SHISAL2B: variants seen among roughly 807,000 people sequenced by gnomAD.
The protein encoded by SHISAL2B is protein shisa-like-2B.
In SHISAL2B, 12 loss-of-function variants were observed where a neutral mutation model predicts 16.5. The observed-to-expected ratio is 0.73, with a 90% CI of 0.47 to 1.18. The LOEUF is 1.18. SHISAL2B is among the 50% of genes most tolerant of loss of function. The probability of loss-of-function intolerance (pLI) is 0.00; values close to 1 mark genes in which losing one functional copy is unlikely to be tolerated. For synonymous variants in SHISAL2B, 72 were observed against 75.0 expected, an observed-to-expected ratio of 0.96 and a Z score of 0.21; for missense variants, 183 against 193.6, an observed-to-expected ratio of 0.95 and a Z score of 0.33.
intron 2 of SHISAL2B, among the ~76,000 whole-genome samples, chr5:64,711,550 CA>C (rs1308204095): frequency 1.1e-4 from 8 of 71,630 alleles, no homozygotes; most frequent in Non-Finnish European, 1.8e-4. Flanking sequence ...ATGCTGGCCT[CA>C]TAAAATGAGT....
At chr5:64,701,688 T>C (rs180979716) in intron 2 of SHISAL2B, among the ~76,000 whole-genome samples, 21 of 152,342 alleles carry the variant, frequency 1.4e-4, no homozygotes, top group African/African-American at 4.3e-4. Flanking sequence ...GATGTTCTCT[T>C]TTGTAAAGGC....
At chr5:64,708,169 A>G (rs1033701628) in intron 2 of SHISAL2B, among the ~76,000 whole-genome samples, 3 of 152,166 alleles carry the variant, frequency 2.0e-5, no homozygotes, top group African/African-American at 7.2e-5. Context: ...ACACATACCA[A>G]TAACCTTTAT....
At position 64,690,712 on chromosome 5, in the gene SHISAL2B, G is replaced by A; in HGVS notation, c.89G>A (p.Gly30Glu). 4 of 1,535,826 alleles carry A rather than the reference G, an allele frequency of 2.6e-6. No homozygotes were observed. The highest frequency in any genetic ancestry group is 1.4e-5 in the African/African-American group (1 of 73,084). Reference protein sequence around the residue: ...EPFQCPRRGEGAALQYCCGFA... With the variant: ...EPFQCPRRGEEAALQYCCGFA... ...TTCCAGTGCCCCCGGCGCGGCGAGG[G>A]GGCAGCGCTCCAGTATTGCTGCGGC... Residue 30 changes from glycine to glutamate, a missense_variant, in exon 1 of 3, where the codon GGG becomes GAG. Physicochemically the swap from Gly to Glu is moderately conservative, Grantham distance 98 (BLOSUM62 -2). Transcript: ENST00000389074.
chr5:64,704,308 T>C (rs1272779084), intron 2 of SHISAL2B, among the ~76,000 whole-genome samples: 3 of 152,248 alleles, frequency 2.0e-5, no homozygotes, highest in Non-Finnish European at 4.4e-5. Flanking sequence ...GGAAAGGGTT[T>C]GAAAATAAAT....
chr5:64,692,318 G>C (rs548309296), intron 1 of SHISAL2B, among the ~76,000 whole-genome samples: 1 of 152,318 alleles, frequency 6.6e-6, no homozygotes, highest in Admixed American at 6.5e-5. Flanking sequence ...ACAAGCAATA[G>C]AGGACATAAA....
At chr5:64,696,974 T>G (rs1272965256) in intron 2 of SHISAL2B, among the ~76,000 whole-genome samples, 1 of 152,170 alleles carries the variant, frequency 6.6e-6, no homozygotes, top group Non-Finnish European at 1.5e-5. Flanking sequence ...CCTCCCCTTT[T>G]AAAGTCCTTA....
intron 2 of SHISAL2B, among the ~76,000 whole-genome samples, chr5:64,714,821 C>T (rs1053385132): frequency 6.6e-6 from 1 of 152,132 alleles, no homozygotes; most frequent in Admixed American, 6.5e-5. Flanking sequence ...TGTCCGTCAC[C>T]CCTTTCTTTG....
chr5:64,701,599 G>A (rs1741810569), intron 2 of SHISAL2B, among the ~76,000 whole-genome samples: 2 of 152,074 alleles, frequency 1.3e-5, no homozygotes, highest in Admixed American at 6.6e-5. Context: ...AAAATTAGAA[G>A]GGCAAATATT....
chr5:64,699,841 T>G (rs544382999), intron 2 of SHISAL2B, among the ~76,000 whole-genome samples: 35 of 152,352 alleles, frequency 2.3e-4, no homozygotes, highest in African/African-American at 7.9e-4. Flanking sequence ...ATCTTTATTC[T>G]ACTGAATTTC....
rs1374361268 is a variant in SHISAL2B at position 64,717,924 on chromosome 5, A to C, written c.385A>C (p.Asn129His). 9.9e-6 allele frequency: 15 copies of C among 1,517,774 alleles called. No individual in the cohort carries two copies. Among genetic ancestry groups the C allele is most frequent in the Non-Finnish European group, 1.3e-5 (15 of 1,142,760 alleles). 94.0% of individuals were successfully genotyped at this position (1,517,774 alleles called of 1,614,324 possible). The change falls in exon 3 of 3, where the codon AAT becomes CAT. Residue 129 changes from asparagine to histidine, a missense_variant. By Grantham distance (68) the Asn-to-His change is moderately conservative. Transcript: ENST00000389074. ...TGGAAAAACCAAAGCCCTCAATTCA[A>C]ATGCAGCATCAAATGCAACAAATGA... Reference protein sequence around the residue: ...SNGKTKALNSNAASNATNETY... With the variant: ...SNGKTKALNSHAASNATNETY...
At chr5:64,714,340 G>T (rs1057416649) in intron 2 of SHISAL2B, among the ~76,000 whole-genome samples, 4 of 142,362 alleles carry the variant, frequency 2.8e-5, no homozygotes, top group African/African-American at 1.2e-4. Context: ...GTGCCTCCCA[G>T]TTAGGTTGCT....
Position 64,690,702 on chromosome 5 carries a change from C to T in SHISAL2B, c.79C>T (p.Arg27Cys), listed in dbSNP as rs1741627011. Residue 27 changes from arginine to cysteine, a missense_variant, in exon 1 of 3, where the codon CGC becomes TGC. Arg to Cys is a radical substitution (Grantham distance 180). Coordinates refer to ENST00000389074, the MANE Select transcript of SHISAL2B (RefSeq NM_001164442.2). ...CGTGGAGCCCTTCCAGTGCCCCCGG[C>T]GCGGCGAGGGGGCAGCGCTCCAGTA... is the stretch of plus-strand genomic sequence containing the variant. ...SFVEPFQCPR[R>C]GEGAALQYCC... The T allele has an allele frequency of 6.5e-7, 1 of 1,535,190 alleles. No homozygotes were observed. The highest frequency in any genetic ancestry group is 1.4e-5 in the African/African-American group (1 of 73,090).
chr5:64,715,766 C>A (rs1321943210), intron 2 of SHISAL2B, among the ~76,000 whole-genome samples: 1 of 152,194 alleles, frequency 6.6e-6, no homozygotes, highest in Non-Finnish European at 1.5e-5. Context: ...ATTCTAAGCA[C>A]ATTCCATGTA....
chr5:64,701,442 C>A (rs886672648), intron 2 of SHISAL2B, among the ~76,000 whole-genome samples: 11 of 152,156 alleles, frequency 7.2e-5, no homozygotes, highest in African/African-American at 2.2e-4. Flanking sequence ...AGCATCTTCT[C>A]CCTCTCATAT....
intron 2 of SHISAL2B, among the ~76,000 whole-genome samples, chr5:64,698,511 G>A (rs1741768517): frequency 1.3e-5 from 2 of 152,146 alleles, no homozygotes; most frequent in Admixed American, 1.3e-4. Context: ...TGTCTAGGAT[G>A]CTTTTCCCTC....
chr5:64,707,008 C>T (rs1331276881), intron 2 of SHISAL2B, among the ~76,000 whole-genome samples: 3 of 152,088 alleles, frequency 2.0e-5, no homozygotes, highest in Non-Finnish European at 2.9e-5. Context: ...AAACATTAGG[C>T]AAGACTAGAA....
chr5:64,702,676 T>A (rs973631435), intron 2 of SHISAL2B, among the ~76,000 whole-genome samples: 1 of 152,130 alleles, frequency 6.6e-6, no homozygotes, highest in African/African-American at 2.4e-5. Flanking sequence ...TAGGTAATTA[T>A]GTAGTTGTCG....
chr5:64,697,047 C>A (rs557007807), intron 2 of SHISAL2B, among the ~76,000 whole-genome samples: 4 of 152,174 alleles, frequency 2.6e-5, no homozygotes, highest in African/African-American at 9.7e-5. Context: ...TGTGATGTCA[C>A]CCCTGGAGGC....
intron 2 of SHISAL2B, among the ~76,000 whole-genome samples, chr5:64,705,011 G>T (rs556987961): frequency 6.6e-6 from 1 of 152,236 alleles, no homozygotes; most frequent in Non-Finnish European, 1.5e-5. Flanking sequence ...ATCTTTTCTT[G>T]TTCACGTAGC....
Sources: allele counts gnomAD v4.1 joint callset (sites outside exome capture counted in the v4.1 genomes callset), GRCh38; gene constraint gnomAD v4.1.1; transcripts MANE v1.5; gene names NCBI Gene and HGNC (gene_info 2026-07-23, HGNC 2026-07-21).